Variants in ZNF277 observed in about 807,000 individuals in gnomAD.
ZNF277 encodes nuclear receptor-interacting factor 4.
ZNF277 carries 55 observed loss-of-function variants against 60.7 expected under a neutral mutation model. The ratio of observed to expected loss-of-function variants is 0.91; its 90% CI spans 0.73 to 1.13. The LOEUF (loss-of-function observed/expected upper bound fraction) is 1.13, where lower values mean the gene tolerates loss of function less well. Among genes scored for constraint, ZNF277 ranks in the 50% most tolerant of loss-of-function variants. The probability of loss-of-function intolerance (pLI) is 0.00; values close to 1 mark genes in which losing one functional copy is unlikely to be tolerated. For missense variants in ZNF277, 510 were observed against 523.0 expected (o/e 0.98, Z 0.24); for synonymous variants, 178 against 179.3 (o/e 0.99, Z 0.06).
At chr7:112,240,029 C>CT (rs1462277398) in intron 1 of ZNF277, among the ~76,000 whole-genome samples, 2 of 152,098 alleles carry the variant, frequency 1.3e-5, no homozygotes, top group African/African-American at 2.4e-5. Context: ...ACAGTGTTAG[C>CT]TTATCAGTTT....
At chr7:112,318,955 A>G (rs916867426) in intron 5 of ZNF277, among the ~76,000 whole-genome samples, 4 of 152,092 alleles carry the variant, frequency 2.6e-5, no homozygotes, top group Admixed American at 6.6e-5. Flanking sequence ...GTTTTACTAT[A>G]AAGGATACAG....
chr7:112,319,334 A>C (rs1481792660), intron 5 of ZNF277, among the ~76,000 whole-genome samples: 1 of 152,078 alleles, frequency 6.6e-6, no homozygotes. Context: ...TACTCCTATC[A>C]CTAGAAAAAT....
chr7:112,270,112 CCATA>C (rs1349155475), intron 1 of ZNF277, among the ~76,000 whole-genome samples: 1 of 151,966 alleles, frequency 6.6e-6, no homozygotes, highest in African/African-American at 2.4e-5. Flanking sequence ...TAAGTAATCC[CCATA>C]AAAAAAGCGT....
intron 1 of ZNF277, among the ~76,000 whole-genome samples, chr7:112,224,915 G>T (rs1563196582): frequency 1.3e-5 from 2 of 152,122 alleles, no homozygotes; most frequent in Non-Finnish European, 2.9e-5. Context: ...GGCCAAGGCA[G>T]GAGGAATGCT....
At chr7:112,273,473 C>A (rs1027127402) in intron 1 of ZNF277, among the ~76,000 whole-genome samples, 2 of 152,184 alleles carry the variant, frequency 1.3e-5, no homozygotes, top group Non-Finnish European at 2.9e-5. Flanking sequence ...TCTTTCCTAC[C>A]TTCTTCAGTG....
chr7:112,322,406 A>C (rs754622077), intron 5 of ZNF277, among the ~76,000 whole-genome samples: 1 of 151,728 alleles, frequency 6.6e-6, no homozygotes, highest in Non-Finnish European at 1.5e-5. Context: ...CCAATCTTCA[A>C]ATTCATTGAT....
At chr7:112,297,939 A>G (rs914315479) in intron 4 of ZNF277, among the ~76,000 whole-genome samples, 5 of 152,208 alleles carry the variant, frequency 3.3e-5, no homozygotes, top group African/African-American at 4.8e-5. Context: ...CTCTAAAAAT[A>G]CCTACATATA....
chr7:112,287,753 C>T (rs1354952597), intron 2 of ZNF277: 3 of 152,226 alleles, frequency 2.0e-5, no homozygotes, highest in African/African-American at 4.8e-5. Context: ...TCTCGAACTC[C>T]TGAGCTCAGG....
At chr7:112,228,752 G>A (rs1164862830) in intron 1 of ZNF277, among the ~76,000 whole-genome samples, 4 of 151,910 alleles carry the variant, frequency 2.6e-5, no homozygotes, top group Non-Finnish European at 2.9e-5. Flanking sequence ...CTATAAACTT[G>A]TTCTTTATGC....
At chr7:112,333,467 G>A (rs1793267269) in intron 7 of ZNF277, among the ~76,000 whole-genome samples, 1 of 152,146 alleles carries the variant, frequency 6.6e-6, no homozygotes, top group Non-Finnish European at 1.5e-5. Context: ...GTCAGCGTTC[G>A]ACCTCTCCTA....
intron 1 of ZNF277, among the ~76,000 whole-genome samples, chr7:112,235,024 A>G (rs1689473723): frequency 6.6e-6 from 1 of 151,968 alleles, no homozygotes. Flanking sequence ...ATTAACAGCC[A>G]TCTATTTTTT....
At chr7:112,332,685 A>G (rs1397676999) in intron 7 of ZNF277, among the ~76,000 whole-genome samples, 2 of 152,132 alleles carry the variant, frequency 1.3e-5, no homozygotes, top group Non-Finnish European at 2.9e-5. Context: ...TCTATTCCCT[A>G]TTCCTATGCG....
intron 4 of ZNF277, among the ~76,000 whole-genome samples, chr7:112,302,824 TATA>T (rs1346222277): frequency 2.0e-5 from 3 of 152,096 alleles, no homozygotes; most frequent in Non-Finnish European, 4.4e-5. Context: ...ACCGTGGTTA[TATA>T]CAGTGTTAAA....
rs372157286 is a variant in ZNF277 at position 112,294,131 on chromosome 7, A to G, written c.294-1738A>G. Among the ~76,000 whole-genome samples the G allele has an allele frequency of 1.9e-4, 29 of 152,322 alleles. No homozygotes were observed. The East Asian group carries it at 5.0e-3, about 26-fold the overall frequency. ...CTTGGGGGAGAATAAGAAAAGGACT[A>G]GGAATGTCATTTTTATTCTCTTAAG... On this transcript the variant is annotated intron_variant, in intron 2 of 11. Transcript: ENST00000361822.
chr7:112,277,986 A>G (rs186670386), intron 1 of ZNF277, among the ~76,000 whole-genome samples: 1 of 152,202 alleles, frequency 6.6e-6, no homozygotes, highest in Non-Finnish European at 1.5e-5. Flanking sequence ...TCTCCAAAAG[A>G]TTGCATTCTC....
chr7:112,295,921 T>C lies in ZNF277; in HGVS notation c.346T>C (p.Cys116Arg). ...RFTEQPITDF[C>R]SVIRINSTAP... ...CACTGAACAGCCCATCACAGATTTT[T>C]GTAGTGTAATAAGAATTAATTCCAC... The change falls in exon 3 of 12, where the codon TGT (cysteine) becomes CGT (arginine). Residue 116 changes from cysteine to arginine, a missense_variant. Transcript: ENST00000361822. 1.9e-6 allele frequency: 3 copies of C among 1,613,092 alleles called. No homozygotes were observed. Among genetic ancestry groups the C allele is most frequent in the African/African-American group, 2.7e-5 (2 of 75,036 alleles).
chr7:112,263,850 G>C (rs1220423448), intron 1 of ZNF277, among the ~76,000 whole-genome samples: 3 of 152,074 alleles, frequency 2.0e-5, no homozygotes. Context: ...CCTGAGAAAT[G>C]TGCATATAAA....
At chr7:112,327,865 T>A (rs1261552918) in intron 6 of ZNF277, 38 bp downstream of exon 6, 1 of 1,336,838 alleles carries the variant, frequency 7.5e-7, no homozygotes, top group East Asian at 2.4e-5. Context: ...TAAAGCTGTT[T>A]TAATCTTGGA....
At chr7:112,243,406 G>A (rs1169747378) in intron 1 of ZNF277, among the ~76,000 whole-genome samples, 2 of 151,544 alleles carry the variant, frequency 1.3e-5, no homozygotes, top group Non-Finnish European at 2.9e-5. Flanking sequence ...CTATGGAATA[G>A]GAGAAAATAC....
Sources: gnomAD v4.1 joint callset for allele counts (sites outside exome capture counted in the v4.1 genomes callset) on GRCh38, gnomAD v4.1.1 for gene constraint, MANE v1.5 for transcripts, NCBI Gene and HGNC (gene_info 2026-07-23, HGNC 2026-07-21) for gene names.